The following PAK2 variants were observed in gnomAD, a reference collection of about 807,000 sequenced individuals.
PAK2 encodes p21 (RAC1) activated kinase 2, also known as serine/threonine-protein kinase PAK 2.
A neutral mutation model predicts 65.9 loss-of-function variants in PAK2; 21 were observed. That is an observed-to-expected ratio of 0.32 (90% CI 0.23 to 0.46). The LOEUF (loss-of-function observed/expected upper bound fraction) is 0.46, where lower values mean the gene tolerates loss of function less well. Ranked by LOEUF, PAK2 falls within the 20% of genes least tolerant of loss-of-function variation. The pLI is 1.00. For synonymous variants in PAK2, 204 were observed against 219.7 expected (o/e 0.93, Z 0.63); for missense variants, 324 against 642.6 (o/e 0.50, Z 5.36).
intron 1 of PAK2, among the ~76,000 whole-genome samples, chr3:196,764,638 A>C (rs1261255308): frequency 1.3e-5 from 2 of 151,458 alleles, no homozygotes; most frequent in East Asian, 3.9e-4. Context: ...TAAATAAATA[A>C]ATACAGATAG....
intron 7 of PAK2, among the ~76,000 whole-genome samples, chr3:196,810,351 CT>C (rs968602745): frequency 2.0e-5 from 3 of 151,978 alleles, no homozygotes; most frequent in African/African-American, 7.2e-5. Context: ...AATAATGTGT[CT>C]TCTTGTTTCT....
At position 196,827,196 on chromosome 3, in the gene PAK2, G is replaced by A. The variant is rs375935414; in HGVS notation, c.1351G>A (p.Ala451Thr). Residue 451 changes from alanine to threonine, a missense_variant and splice_region_variant, in exon 14 of 15, where the codon GCC (alanine) becomes ACC (threonine). Coordinates refer to ENST00000327134, the MANE Select transcript of PAK2 (RefSeq NM_002577.4). ...ATCAAAGATGTTCTTCTATTTTTAG[G>A]CCTTGTACCTAATAGCAACTAATGG... is the stretch of plus-strand genomic sequence containing the variant. ...PPYLNENPLR[A>T]LYLIATNGTP... is the part of the protein sequence containing the mutation. 6.3e-7 allele frequency: 1 copy of A among 1,596,252 alleles called. No homozygotes were observed. Among genetic ancestry groups the A allele is most frequent in the Non-Finnish European group, 8.6e-7 (1 of 1,167,256 alleles).
intron 1 of PAK2, among the ~76,000 whole-genome samples, chr3:196,746,703 G>C (rs1419657145): frequency 1.3e-5 from 2 of 151,772 alleles, no homozygotes; most frequent in African/African-American, 2.4e-5. Context: ...CCAGCTACTC[G>C]GGAGGCTGAG....
chr3:196,757,346 G>A (rs1175682737), intron 1 of PAK2, among the ~76,000 whole-genome samples: 1 of 152,082 alleles, frequency 6.6e-6, no homozygotes, highest in East Asian at 1.9e-4. Context: ...AAAATGGAGG[G>A]CAATACTGGT....
chr3:196,811,221 C>CT (rs111881563), intron 8 of PAK2, among the ~76,000 whole-genome samples: 1,673 of 14,898 alleles, frequency 0.11, 557 homozygotes, highest in African/African-American at 0.24. Context: ...CCTTCCCTCC[C>CT]TCCCTTCCCT....
At chr3:196,769,094 A>G (rs1714276497) in intron 1 of PAK2, among the ~76,000 whole-genome samples, 1 of 152,038 alleles carries the variant, frequency 6.6e-6, no homozygotes, top group African/African-American at 2.4e-5. Flanking sequence ...TGGGAGGCCA[A>G]GGAGGATGGA....
chr3:196,774,216 A>T (rs1399377980), intron 1 of PAK2, among the ~76,000 whole-genome samples: 5 of 152,232 alleles, frequency 3.3e-5, no homozygotes, highest in Non-Finnish European at 7.3e-5. Context: ...GTATATTAGC[A>T]TAAGTAAGAA....
At chr3:196,821,098 C>A (rs1711633784) in intron 13 of PAK2, among the ~76,000 whole-genome samples, 1 of 152,126 alleles carries the variant, frequency 6.6e-6, no homozygotes. Context: ...GCCTCGGCTT[C>A]CCAAAGTGCT....
chr3:196,819,408 C>T (rs1711582571), intron 12 of PAK2, among the ~76,000 whole-genome samples: 1 of 152,104 alleles, frequency 6.6e-6, no homozygotes, highest in Non-Finnish European at 1.5e-5. Flanking sequence ...CTCTACTGCA[C>T]ACAGCGTGGG....
chr3:196,775,654 T>A (rs1265886410), intron 1 of PAK2, among the ~76,000 whole-genome samples: 1 of 152,176 alleles, frequency 6.6e-6, no homozygotes, highest in African/African-American at 2.4e-5. Context: ...GTGCTGAGAT[T>A]ACAGGCGTGA....
intron 8 of PAK2, 44 bp from the exon 9 acceptor site, chr3:196,812,175 T>A (rs781609813): frequency 9.3e-6 from 10 of 1,079,678 alleles, no homozygotes; most frequent in South Asian, 1.2e-5. Flanking sequence ...CAAATGCTAG[T>A]GATTTATCAA....
chr3:196,808,911 G>C (rs930564187), intron 7 of PAK2, among the ~76,000 whole-genome samples: 1 of 151,226 alleles, frequency 6.6e-6, no homozygotes, highest in African/African-American at 2.4e-5. Flanking sequence ...AATCTAGAGG[G>C]TTCAAGGAAA....
intron 1 of PAK2, among the ~76,000 whole-genome samples, chr3:196,782,109 A>C (rs1246804500): frequency 6.6e-6 from 1 of 152,112 alleles, no homozygotes; most frequent in Non-Finnish European, 1.5e-5. Flanking sequence ...CCATCTTGAA[A>C]ATAAATAAGA....
At chr3:196,774,961 C>T (rs1413009278) in intron 1 of PAK2, among the ~76,000 whole-genome samples, 1 of 149,336 alleles carries the variant, frequency 6.7e-6, no homozygotes, top group Admixed American at 6.6e-5. Flanking sequence ...TTCCACTCAA[C>T]AACAACTGAA....
At chr3:196,745,707 C>T (rs1290440020) in intron 1 of PAK2, among the ~76,000 whole-genome samples, 2 of 151,478 alleles carry the variant, frequency 1.3e-5, no homozygotes, top group Admixed American at 6.6e-5. Flanking sequence ...CCAGCTACTC[C>T]GGAGGCTGAG....
rs145499098 is a variant in PAK2 at position 196,751,888 on chromosome 3, G to A, written c.-22+11731G>A. 8.6e-5 allele frequency among the ~76,000 whole-genome samples: 13 copies of A among 150,366 alleles called. 1 individual carries two copies. In the East Asian group the frequency reaches 2.5e-3, roughly 29 times the overall value. On this transcript the variant is annotated intron_variant, in intron 1 of 14. Coordinates refer to ENST00000327134, the MANE Select transcript of PAK2 (RefSeq NM_002577.4). ...CTCCTGAGTAGCTGGGATTACAGGC[G>A]CATGCCACCACTCTCAGCTAATTTT...
At chr3:196,742,731 A>G (rs9868871) in intron 1 of PAK2, among the ~76,000 whole-genome samples, 89,785 of 151,822 alleles carry the variant, frequency 0.59, 26,928 homozygotes, top group African/African-American at 0.62. Flanking sequence ...TGGCTAACAC[A>G]GTGAAACCCC....
intron 1 of PAK2, among the ~76,000 whole-genome samples, chr3:196,761,145 C>CT (rs58174238): frequency 0.33 from 38,850 of 119,370 alleles, 6,730 homozygotes; most frequent in Middle Eastern, 0.47. Flanking sequence ...AGGAGAACCG[C>CT]TTTTTTTTTT....
rs1229342473 is a variant in PAK2, at chr3:196,750,756, T to TTA, written c.-22+10599_-22+10600insTA. Among the ~76,000 whole-genome samples the TTA allele has an allele frequency of 7.9e-3, 1,166 of 147,650 alleles. 19 individuals carry two copies. The highest frequency in any genetic ancestry group is 0.027 in the African/African-American group (1,095 of 40,388). ...AATGCTTAAAACCTAAAATAAAGTT[T>TTA]AAAAAAAAAAAAAACCAAAACATGT... On this transcript the variant is annotated intron_variant, in intron 1 of 14. Transcript: ENST00000327134.
Sources: allele counts gnomAD v4.1 joint callset (sites outside exome capture counted in the v4.1 genomes callset), GRCh38; gene constraint gnomAD v4.1.1; transcripts MANE v1.5; gene names NCBI Gene and HGNC (gene_info 2026-07-23, HGNC 2026-07-21).